Variants in IWS1 observed in about 807,000 individuals in gnomAD.
IWS1 encodes the protein interacts with SUPT6H, CTD assembly factor 1, also known as protein IWS1 homolog.
A neutral mutation model predicts 86.7 loss-of-function variants in IWS1; 27 were observed. That is an observed-to-expected ratio of 0.31 (90% confidence interval 0.23 to 0.43). The LOEUF (loss-of-function observed/expected upper bound fraction) is 0.43, where lower values mean the gene tolerates loss of function less well. Among genes scored for constraint, IWS1 ranks in the 20% least tolerant of loss-of-function variants. The pLI is 1.00. For synonymous variants in IWS1, 313 were observed against 335.1 expected, an observed-to-expected ratio of 0.93 and a Z score of 0.72; for missense variants, 827 against 1,000.8, an observed-to-expected ratio of 0.83 and a Z score of 2.34.
intron 13 of IWS1, chr2:127,485,757 T>C (rs1573500230): frequency 6.6e-6 from 1 of 152,180 alleles, no homozygotes; most frequent in Non-Finnish European, 1.5e-5. Context: ...GGGTCATTAT[T>C]TTGAAACTAA....
intron 2 of IWS1, among the ~76,000 whole-genome samples, chr2:127,517,072 C>CA (rs777172677): frequency 1.1e-4 from 16 of 152,060 alleles, no homozygotes; most frequent in Non-Finnish European, 2.1e-4. Context: ...AACATGTATA[C>CA]ACGGAAAACT....
intron 13 of IWS1, chr2:127,482,909 GTACAACT>G (rs1689707307): frequency 6.6e-6 from 1 of 151,784 alleles, no homozygotes. Flanking sequence ...TTCAATTATG[GTACAACT>G]GTGTGAAGAC....
At chr2:127,524,804 T>C (rs1047128776) in intron 1 of IWS1, among the ~76,000 whole-genome samples, 2 of 152,014 alleles carry the variant, frequency 1.3e-5, no homozygotes, top group African/African-American at 4.8e-5. Flanking sequence ...CTCGGTCTAC[T>C]TTTTAAAAAG....
chr2:127,512,022 T>C (rs1000647176), intron 2 of IWS1, among the ~76,000 whole-genome samples: 1 of 152,246 alleles, frequency 6.6e-6, no homozygotes, highest in Non-Finnish European at 1.5e-5. Flanking sequence ...CAAGGGCAGA[T>C]GGCTGGGCCC....
At position 127,483,571 on chromosome 2, in the gene IWS1, C is replaced by CGGGGGGGG. The variant is rs1419283644; in HGVS notation, c.2329-2397_2329-2396insCCCCCCCC. Among the ~76,000 whole-genome samples the CGGGGGGGG allele has an allele frequency of 8.9e-4, 18 of 20,154 alleles. 2 individuals carry two copies. Among genetic ancestry groups the CGGGGGGGG allele is most frequent in the African/African-American group, 1.5e-3 (6 of 4,030 alleles). The allele number at this position is 20,154 out of a possible 152,430, so 13.2% of individuals were successfully genotyped here. Reference sequence around the variant, plus strand: ...AAAATAACCAAAATTATAATTTGGTCGGGGCGGGGGGTGGTGGGGTGGGGG... The same window carrying CGGGGGGGG: ...AAAATAACCAAAATTATAATTTGGTCGGGGGGGGGGGGCGGGGGGTGGTGGGGTGGGGG... On this transcript the variant is annotated intron_variant, in intron 13 of 13. Coordinates refer to ENST00000295321, the MANE Select transcript of IWS1 (RefSeq NM_017969.3).
intron 13 of IWS1, chr2:127,483,041 C>CA (rs765733084): frequency 2.8e-5 from 4 of 143,560 alleles, no homozygotes; most frequent in Non-Finnish European, 6.1e-5. Context: ...GAAAAAAAAA[C>CA]AAAAAACAAA....
intron 6 of IWS1, among the ~76,000 whole-genome samples, chr2:127,497,453 A>G (rs968724796): frequency 6.6e-6 from 1 of 152,214 alleles, no homozygotes; most frequent in Non-Finnish European, 1.5e-5. Context: ...CTCAAAACAT[A>G]ATGAGAGATA....
intron 13 of IWS1, chr2:127,485,820 C>T (rs893831754): frequency 1.3e-5 from 2 of 152,290 alleles, no homozygotes; most frequent in Non-Finnish European, 2.9e-5. Flanking sequence ...ACACTTTTCA[C>T]TCTGACTGTT....
At position 127,505,088 on chromosome 2, in the gene IWS1, C is replaced by A. The variant is rs368651104; in HGVS notation, c.815G>T (p.Arg272Leu). The A allele has an allele frequency of 6.2e-7, 1 of 1,611,184 alleles. No individual in the cohort carries two copies. Among genetic ancestry groups the A allele is most frequent in the Non-Finnish European group, 8.5e-7 (1 of 1,179,244 alleles). Residue 272 changes from arginine to leucine, a missense_variant, in exon 3 of 14, where the codon CGA becomes CTA. Coordinates refer to ENST00000295321, the MANE Select transcript of IWS1 (RefSeq NM_017969.3). The surrounding 1 kb of genome is among the most constrained non-coding windows in gnomAD (Gnocchi z 5.0). ...DSENEELPKP[R>L]ISDSESEDPP... ...ATCCTCACTTTCCGAATCACTGATTCGGGGTTTGGGAAGCTCTTCATTTTC... is the reference window on the plus strand; with the variant it reads ...ATCCTCACTTTCCGAATCACTGATTAGGGGTTTGGGAAGCTCTTCATTTTC...
At chr2:127,487,379 T>C (rs1689983743) in intron 12 of IWS1, among the ~76,000 whole-genome samples, 1 of 152,232 alleles carries the variant, frequency 6.6e-6, no homozygotes, top group East Asian at 1.9e-4. Flanking sequence ...GTAACCATGC[T>C]AGACTAAAAT....
At chr2:127,502,703 ACAT>A (rs1690883197) in intron 5 of IWS1, 109 bp downstream of exon 5, 5 of 536,318 alleles carry the variant, frequency 9.3e-6, no homozygotes, top group South Asian at 2.9e-5. Flanking sequence ...TATCTTGAAT[ACAT>A]CATAATTGTT....
upstream of IWS1, chr2:127,526,560 C>A: frequency 2.8e-6 from 4 of 1,422,306 alleles, no homozygotes; most frequent in Non-Finnish European, 3.8e-6. Context: ...GAAGACGCAA[C>A]AGCAATGACG....
intron 2 of IWS1, among the ~76,000 whole-genome samples, chr2:127,517,825 C>A (rs1235837724): frequency 2.0e-5 from 3 of 152,188 alleles, no homozygotes; most frequent in African/African-American, 7.2e-5. Flanking sequence ...CAAATGTCAT[C>A]AGCTGATGAA....
Position 127,505,194 on chromosome 2 carries a change from A to C in IWS1, c.709T>G (p.Ser237Ala). The change falls in exon 3 of 14, where the codon TCT (serine) becomes GCT (alanine). Residue 237 changes from serine to alanine, a missense_variant. Physicochemically the swap from Ser to Ala is moderately conservative, Grantham distance 99. Around this residue, in one of 2 missense-constraint regions of IWS1, gnomAD observed 548 missense variants for 560.2 expected, o/e 0.98. Transcript: ENST00000295321. The surrounding 1 kb of genome is among the most constrained non-coding windows in gnomAD (Gnocchi z 5.0). ...EEPPRHQASD[S>A]ENEELPKPRI... ...GGTTTGGGAAGCTCCTCATTTTCAG[A>C]GTCACTGGCCTGGTGCCTTGGGGGT... The C allele has an allele frequency of 6.2e-7, 1 of 1,613,870 alleles. No individual in the cohort carries two copies.
intron 2 of IWS1, among the ~76,000 whole-genome samples, chr2:127,517,152 A>G (rs1691818948): frequency 6.6e-6 from 1 of 152,212 alleles, no homozygotes; most frequent in Non-Finnish European, 1.5e-5. Context: ...CAGACTTTAC[A>G]CTACCAAGAT....
At chr2:127,483,441 T>TAAG (rs1009446895) in intron 13 of IWS1, among the ~76,000 whole-genome samples, 9 of 150,538 alleles carry the variant, frequency 6.0e-5, no homozygotes, top group Non-Finnish European at 4.4e-5. Flanking sequence ...AAACCATCTC[T>TAAG]ACAAAGAAAG....
At chr2:127,498,020 C>T in intron 6 of IWS1, 120 bp downstream of exon 6, 2 of 683,654 alleles carry the variant, frequency 2.9e-6, no homozygotes, top group Non-Finnish European at 5.0e-6. Context: ...TGGAGAAAAA[C>T]AGGAATAGAC....
intron 2 of IWS1, among the ~76,000 whole-genome samples, chr2:127,521,087 G>A (rs533679035): frequency 6.6e-6 from 1 of 152,278 alleles, no homozygotes; most frequent in South Asian, 2.1e-4. Flanking sequence ...GTGAAACCCT[G>A]TCTCTACTAA....
chr2:127,526,830 T>TGGTTCCCGCCC (rs1692449033), upstream of IWS1: 1 of 521,434 alleles, frequency 1.9e-6, no homozygotes, highest in Non-Finnish European at 3.2e-6. Flanking sequence ...CAGAGGCGCC[T>TGGTTCCCGCCC]GGTTCCCGCC....
Sources: gnomAD v4.1 joint callset for allele counts (sites outside exome capture counted in the v4.1 genomes callset) on GRCh38, gnomAD v4.1.1 for gene constraint, gnomAD v4.1.1 regional missense constraint, Gnocchi (gnomAD v3.1) non-coding constraint, MANE v1.5 for transcripts, NCBI Gene and HGNC (gene_info 2026-07-23, HGNC 2026-07-21) for gene names.